Variants in PAK2 observed in about 807,000 individuals in gnomAD.
PAK2 encodes serine/threonine-protein kinase PAK 2.
Under a neutral mutation model 65.9 loss-of-function variants are expected in PAK2, and 21 were observed. The observed-to-expected ratio is 0.32, with a 90% CI of 0.23 to 0.46. The LOEUF is 0.46. PAK2 is among the 20% of genes least tolerant of loss of function. The pLI is 1.00. For missense variants in PAK2, 324 were observed against 642.6 expected (o/e 0.50, Z 5.36); for synonymous variants, 204 against 219.7 (o/e 0.93, Z 0.63).
chr3:196,813,728 G>T (rs1210277181), intron 10 of PAK2, among the ~76,000 whole-genome samples: 1 of 152,056 alleles, frequency 6.6e-6, no homozygotes, highest in Non-Finnish European at 1.5e-5. Context: ...GAGGCAGGTG[G>T]ATCACCAGGT....
At chr3:196,807,135 T>A (rs1715612344) in intron 6 of PAK2, among the ~76,000 whole-genome samples, 1 of 152,172 alleles carries the variant, frequency 6.6e-6, no homozygotes. Context: ...GGGAGAATTT[T>A]AAAAATGATG....
At chr3:196,807,759 G>T in intron 6 of PAK2, 23 bp from the exon 7 acceptor site, 1 of 1,384,972 alleles carries the variant, frequency 7.2e-7, no homozygotes, top group Non-Finnish European at 1.0e-6. Context: ...CTCAAACCTT[G>T]GTAATGAACT....
intron 2 of PAK2, among the ~76,000 whole-genome samples, chr3:196,790,694 C>T (rs776600623): frequency 2.0e-4 from 30 of 152,272 alleles, no homozygotes; most frequent in East Asian, 7.7e-4. Context: ...GCTGAGAGTC[C>T]GGGCCACTTA....
At chr3:196,744,983 T>C (rs1483279567) in intron 1 of PAK2, among the ~76,000 whole-genome samples, 1 of 152,172 alleles carries the variant, frequency 6.6e-6, no homozygotes, top group Non-Finnish European at 1.5e-5. Flanking sequence ...TATTTCCTTA[T>C]TGAGTTGTAG....
At chr3:196,795,207 G>C (rs1405999826) in intron 2 of PAK2, among the ~76,000 whole-genome samples, 1 of 151,758 alleles carries the variant, frequency 6.6e-6, no homozygotes, top group African/African-American at 2.4e-5. Context: ...TCCAATCCTA[G>C]GATTTTGGGA....
intron 1 of PAK2, among the ~76,000 whole-genome samples, chr3:196,776,538 A>G (rs1370394428): frequency 6.6e-6 from 1 of 152,246 alleles, no homozygotes; most frequent in African/African-American, 2.4e-5. Flanking sequence ...TAGGCTTTCA[A>G]TCAAAAATCA....
chr3:196,782,695 C>T lies in PAK2; in HGVS notation c.49C>T (p.Arg17Ter). Residue 17 changes from arginine (R) to a stop codon, truncating the protein, a stop_gained, in exon 2 of 15, where the codon CGA (arginine) becomes TGA (stop). Coordinates refer to ENST00000327134, the MANE Select transcript of PAK2 (RefSeq NM_002577.4). LOFTEE classifies it high-confidence loss of function. The stretch of plus-strand genomic sequence containing the variant: ...AGATAAGCCTCCAGCACCTCCTGTG[C>T]GAATGAGCAGCACCATCTTTAGCAC... ...LEDKPPAPPV[R>*]MSSTIFSTGG... The T allele has an allele frequency of 1.2e-6, 2 of 1,610,424 alleles. No homozygotes were observed. The highest frequency in any genetic ancestry group is 1.7e-5 in the Admixed American group (1 of 59,844).
chr3:196,779,691 G>C (rs1312958569), intron 1 of PAK2, among the ~76,000 whole-genome samples: 3 of 152,008 alleles, frequency 2.0e-5, no homozygotes, highest in Non-Finnish European at 2.9e-5. Context: ...TTTTGTTTTT[G>C]AGATGATGTC....
rs1423785153 is a variant in PAK2 at position 196,829,527 on chromosome 3, C to A, written c.*1122C>A. The A allele has an allele frequency of 6.6e-6, 1 of 152,030 alleles. No homozygotes were observed. The highest frequency in any genetic ancestry group is 1.5e-5 in the Non-Finnish European group (1 of 68,020). 9.4% of individuals were successfully genotyped at this position (152,030 alleles called of 1,614,324 possible). ...CAGCAGAGGCAGTAAGAGATGTGAA[C>A]CTTGGTGAGCTCTGATACAGTGAGA... On this transcript the variant is annotated 3_prime_UTR_variant, in exon 15 of 15. Coordinates refer to ENST00000327134, the MANE Select transcript of PAK2 (RefSeq NM_002577.4).
At chr3:196,789,052 T>G (rs901260163) in intron 2 of PAK2, among the ~76,000 whole-genome samples, 1 of 152,134 alleles carries the variant, frequency 6.6e-6, no homozygotes, top group Non-Finnish European at 1.5e-5. Context: ...TCTCTCTGTT[T>G]TAGTTAGGAG....
rs1001888898 is a variant in PAK2 at position 196,795,112 on chromosome 3, A to G, written c.188-6815A>G. 5.3e-5 allele frequency among the ~76,000 whole-genome samples: 8 copies of G among 152,272 alleles called. No homozygotes were observed. In the East Asian group the frequency reaches 1.5e-3, roughly 29 times the overall value. ...TCAAGAAATTTAACAACATTTGAGC[A>G]TAGGAAACATGAAAACTACACCAAG... On this transcript the variant is annotated intron_variant, in intron 2 of 14. Transcript: ENST00000327134.
intron 13 of PAK2, among the ~76,000 whole-genome samples, chr3:196,823,211 G>A (rs781265339): frequency 3.3e-5 from 5 of 152,132 alleles, no homozygotes; most frequent in Non-Finnish European, 5.9e-5. Context: ...ATCAGTGGAG[G>A]TGGGAAAAAG....
chr3:196,766,840 A>C (rs1714184084), intron 1 of PAK2, among the ~76,000 whole-genome samples: 1 of 147,434 alleles, frequency 6.8e-6, no homozygotes, highest in Admixed American at 6.9e-5. Context: ...CATCATGTTG[A>C]ATATATGCAA....
chr3:196,789,575 G>T (rs1299480345), intron 2 of PAK2, among the ~76,000 whole-genome samples: 1 of 151,796 alleles, frequency 6.6e-6, no homozygotes, highest in African/African-American at 2.4e-5. Context: ...CAATTCCCCT[G>T]CCTCAGCCTC....
intron 6 of PAK2, among the ~76,000 whole-genome samples, chr3:196,807,209 C>T (rs1273374984): frequency 6.6e-6 from 1 of 152,120 alleles, no homozygotes; most frequent in Non-Finnish European, 1.5e-5. Flanking sequence ...TTCAGTACTG[C>T]AGGTAGAGTG....
intron 13 of PAK2, among the ~76,000 whole-genome samples, chr3:196,823,785 C>T (rs1382898807): frequency 6.8e-6 from 1 of 147,482 alleles, no homozygotes; most frequent in African/African-American, 2.5e-5. Context: ...TTGCTTGAAA[C>T]TGGGCGACAG....
chr3:196,815,807 A>G (rs1716008157), intron 11 of PAK2, among the ~76,000 whole-genome samples: 1 of 151,902 alleles, frequency 6.6e-6, no homozygotes, highest in Non-Finnish European at 1.5e-5. Flanking sequence ...AGAGAAAGAA[A>G]TACGCCACTC....
intron 13 of PAK2, among the ~76,000 whole-genome samples, chr3:196,826,487 T>C (rs929212029): frequency 4.6e-5 from 7 of 152,132 alleles, no homozygotes; most frequent in Admixed American, 2.0e-4. Context: ...TTTTTTTTGT[T>C]TTGTTTTTTG....
chr3:196,753,889 A>T (rs1332602902), intron 1 of PAK2, among the ~76,000 whole-genome samples: 2 of 152,124 alleles, frequency 1.3e-5, no homozygotes, highest in African/African-American at 2.4e-5. Context: ...GGTGCTTTTT[A>T]AAAAATTTCC....
Sources: gnomAD v4.1 joint callset for allele counts (sites outside exome capture counted in the v4.1 genomes callset) on GRCh38, gnomAD v4.1.1 for gene constraint, MANE v1.5 for transcripts, NCBI Gene and HGNC (gene_info 2026-07-23, HGNC 2026-07-21) for gene names.